CEP128: variants seen among roughly 807,000 people sequenced by gnomAD.
CEP128 encodes the protein centrosomal protein 128.
Under a neutral mutation model 156.7 loss-of-function variants are expected in CEP128, and 132 were observed. The observed-to-expected ratio is 0.84, with a 90% CI of 0.73 to 0.97. The LOEUF (loss-of-function observed/expected upper bound fraction) is 0.97. Among genes scored for constraint, CEP128 ranks in the 50% least tolerant of loss-of-function variants. The pLI is 0.00. For missense variants in CEP128, 1,252 were observed against 1,281.9 expected (o/e 0.98, Z 0.36); for synonymous variants, 469 against 448.9 (o/e 1.04, Z -0.57).
chr14:80,725,343 C>A (rs924435880), intron 19 of CEP128, among the ~76,000 whole-genome samples: 1 of 151,746 alleles, frequency 6.6e-6, no homozygotes, highest in Non-Finnish European at 1.5e-5. Context: ...CCATGACGCC[C>A]GGCTAATTTT....
chr14:80,775,562 A>C (rs1488829701), intron 16 of CEP128, among the ~76,000 whole-genome samples: 1 of 152,240 alleles, frequency 6.6e-6, no homozygotes, highest in Non-Finnish European at 1.5e-5. Context: ...TCAAGACTTG[A>C]CTACATAGTT....
intron 19 of CEP128, among the ~76,000 whole-genome samples, chr14:80,735,557 G>A (rs1433418407): frequency 6.6e-6 from 1 of 152,166 alleles, no homozygotes; most frequent in African/African-American, 2.4e-5. Flanking sequence ...GAATCAAGTA[G>A]CAGAGAACCT....
intron 19 of CEP128, among the ~76,000 whole-genome samples, chr14:80,680,976 C>T (rs964612739): frequency 6.6e-6 from 1 of 152,086 alleles, no homozygotes; most frequent in South Asian, 2.1e-4. Flanking sequence ...AGACCCTCTC[C>T]CAATAAACAA....
chr14:80,762,998 G>A (rs1361152442), intron 16 of CEP128, among the ~76,000 whole-genome samples: 2 of 152,120 alleles, frequency 1.3e-5, no homozygotes, highest in Non-Finnish European at 2.9e-5. Context: ...ATTCATTTAC[G>A]ATGAGACTCA....
chr14:80,670,173 C>T (rs1265516523), intron 19 of CEP128, among the ~76,000 whole-genome samples: 1 of 152,180 alleles, frequency 6.6e-6, no homozygotes, highest in Non-Finnish European at 1.5e-5. Context: ...CCAGGACTCG[C>T]CTCAAACACT....
chr14:80,717,722 G>A (rs1211665612), intron 19 of CEP128, among the ~76,000 whole-genome samples: 3 of 152,186 alleles, frequency 2.0e-5, no homozygotes, highest in African/African-American at 7.2e-5. Context: ...GCCACTTTCA[G>A]AATCAGAATA....
chr14:80,801,073 TGA>T (rs1883815461), intron 13 of CEP128, among the ~76,000 whole-genome samples: 1 of 152,196 alleles, frequency 6.6e-6, no homozygotes, highest in Admixed American at 6.5e-5. Context: ...AGTAATAGCT[TGA>T]GAGGGCTAAA....
intron 23 of CEP128, among the ~76,000 whole-genome samples, chr14:80,520,989 A>AT (rs533538115): frequency 0.024 from 2,767 of 114,516 alleles, 57 homozygotes; most frequent in African/African-American, 0.029. Context: ...CGCCCAGCTA[A>AT]TTTTTTTTTT....
At chr14:80,534,079 T>C (rs1440441044) in intron 21 of CEP128, among the ~76,000 whole-genome samples, 1 of 152,150 alleles carries the variant, frequency 6.6e-6, no homozygotes, top group Admixed American at 6.5e-5. Context: ...CTTACAGGCG[T>C]CTCAGGTCTC....
intron 23 of CEP128, among the ~76,000 whole-genome samples, chr14:80,520,160 T>C (rs2140244211): frequency 6.6e-6 from 1 of 152,336 alleles, no homozygotes. Context: ...GGCTCACACC[T>C]GTAATCCCAG....
intron 13 of CEP128, among the ~76,000 whole-genome samples, chr14:80,823,241 T>C (rs1885283609): frequency 1.3e-5 from 2 of 152,238 alleles, no homozygotes; most frequent in South Asian, 2.1e-4. Context: ...ATCTGGACTT[T>C]CCAGTGATGC....
rs1899685487 is a variant in CEP128, at chr14:80,756,834, T to G, written c.2613+58A>C. ...TAACAAAATAAATAGCTAAACCAAA[T>G]AGGATGGCTTAAAGATCATAAATAT... On this transcript the variant is annotated intron_variant, in intron 18 of 24. Transcript: ENST00000555265. 7.0e-6 allele frequency: 8 copies of G among 1,139,046 alleles called. No individual in the cohort carries two copies. In the Admixed American group the frequency reaches 7.8e-5, roughly 11 times the overall value. The allele number at this position is 1,139,046 out of a possible 1,614,324, so 70.6% of individuals were successfully genotyped here.
intron 20 of CEP128, among the ~76,000 whole-genome samples, chr14:80,580,040 A>G (rs933457641): frequency 1.3e-5 from 2 of 152,232 alleles, no homozygotes; most frequent in Admixed American, 6.5e-5. Context: ...TTGAAAATGT[A>G]GATTCCATGA....
chr14:80,824,149 C>T (rs1038903784), intron 13 of CEP128, among the ~76,000 whole-genome samples: 7 of 152,242 alleles, frequency 4.6e-5, no homozygotes, highest in Non-Finnish European at 8.8e-5. Context: ...TCAGCCACGG[C>T]TGGAGCAGCT....
At chr14:80,933,928 G>T (rs1480517079) in intron 2 of CEP128, among the ~76,000 whole-genome samples, 2 of 152,132 alleles carry the variant, frequency 1.3e-5, no homozygotes, top group African/African-American at 4.8e-5. Context: ...TTTATGTGTG[G>T]GAAATAAGCC....
At chr14:80,622,509 G>C (rs1199977654) in intron 19 of CEP128, among the ~76,000 whole-genome samples, 1 of 149,996 alleles carries the variant, frequency 6.7e-6, no homozygotes, top group East Asian at 2.0e-4. Flanking sequence ...ACTACCATCA[G>C]AGTGAACAGG....
chr14:80,510,250 C>T (rs1888182605), intron 23 of CEP128, among the ~76,000 whole-genome samples: 3 of 152,002 alleles, frequency 2.0e-5, no homozygotes, highest in African/African-American at 7.2e-5. Context: ...AATCCATGAC[C>T]ATAAAATATC....
chr14:80,811,931 C>T (rs1170967776), intron 13 of CEP128, among the ~76,000 whole-genome samples: 1 of 151,822 alleles, frequency 6.6e-6, no homozygotes, highest in Non-Finnish European at 1.5e-5. Context: ...AAATTTTTTC[C>T]AATTTTTATT....
At chr14:80,868,508 A>G (rs1887878533) in intron 8 of CEP128, among the ~76,000 whole-genome samples, 1 of 152,134 alleles carries the variant, frequency 6.6e-6, no homozygotes, top group Admixed American at 6.5e-5. Context: ...GCATATTTAA[A>G]AGACAGAGAA....
Sources: allele counts gnomAD v4.1 joint callset (sites outside exome capture counted in the v4.1 genomes callset), GRCh38; gene constraint gnomAD v4.1.1; transcripts MANE v1.5; gene names NCBI Gene and HGNC (gene_info 2026-07-23, HGNC 2026-07-21).